The following KCNIP4 variants were observed in gnomAD, a reference collection of about 807,000 sequenced individuals.
KCNIP4 encodes the protein Kv channel-interacting protein 4.
KCNIP4 carries 12 observed loss-of-function variants against 34.0 expected under a neutral mutation model. That is an observed-to-expected ratio of 0.35 (90% CI 0.23 to 0.57). The LOEUF is 0.57. KCNIP4 is among the 20% of genes least tolerant of loss of function. The probability of loss-of-function intolerance (pLI) is 0.83; values close to 1 mark genes in which losing one functional copy is unlikely to be tolerated. For missense variants in KCNIP4, 238 were observed against 311.7 expected, an observed-to-expected ratio of 0.76 and a Z score of 1.78; for synonymous variants, 124 against 102.2, an observed-to-expected ratio of 1.21 and a Z score of -1.29.
At chr4:20,893,016 T>A (rs912909282) in intron 1 of KCNIP4, among the ~76,000 whole-genome samples, 1 of 152,184 alleles carries the variant, frequency 6.6e-6, no homozygotes, top group African/African-American at 2.4e-5. Context: ...TTGTCCAGGA[T>A]GCTGCCAGTT....
rs191839103 is a variant in KCNIP4 at position 21,677,772 on chromosome 4, T to C, written c.61+270799A>G. On this transcript the variant is annotated intron_variant, in intron 1 of 8. Transcript: ENST00000382152. ...GTTGGTATTCTTTTGTTTTTTGAGATGGAGTCTCACTCTGTCACCCAGGCT... is the reference window on the plus strand; with the variant it reads ...GTTGGTATTCTTTTGTTTTTTGAGACGGAGTCTCACTCTGTCACCCAGGCT... Among the ~76,000 whole-genome samples, 117 of 152,264 alleles carry C rather than the reference T, an allele frequency of 7.7e-4. 1 individual carries two copies. The East Asian group carries it at 0.021, about 28-fold the overall frequency.
intron 1 of KCNIP4, among the ~76,000 whole-genome samples, chr4:20,924,116 T>C (rs1411099132): frequency 2.0e-5 from 3 of 152,208 alleles, no homozygotes; most frequent in Admixed American, 6.5e-5. Context: ...TGAGTATGTG[T>C]GGCTTGAATT....
intron 1 of KCNIP4, among the ~76,000 whole-genome samples, chr4:21,199,801 T>A (rs557606938): frequency 1.3e-4 from 18 of 141,750 alleles, no homozygotes; most frequent in African/African-American, 3.9e-4. Flanking sequence ...CAAATGTCCA[T>A]CAATGATAGA....
intron 1 of KCNIP4, among the ~76,000 whole-genome samples, chr4:21,036,938 C>A (rs1416422759): frequency 6.6e-6 from 1 of 152,028 alleles, no homozygotes; most frequent in Non-Finnish European, 1.5e-5. Context: ...GGTGGAAGAT[C>A]TGATGATCTT....
At chr4:21,239,121 G>A (rs1296417375) in intron 1 of KCNIP4, among the ~76,000 whole-genome samples, 1 of 152,034 alleles carries the variant, frequency 6.6e-6, no homozygotes, top group Non-Finnish European at 1.5e-5. Context: ...ACAAGCAATG[G>A]GGAAAGGATT....
At chr4:21,737,722 T>C (rs1319105280) in intron 1 of KCNIP4, among the ~76,000 whole-genome samples, 1 of 152,182 alleles carries the variant, frequency 6.6e-6, no homozygotes, top group African/African-American at 2.4e-5. Flanking sequence ...GAAATCCTTT[T>C]TATTTAAATA....
At chr4:21,218,319 T>C (rs1379711933) in intron 1 of KCNIP4, among the ~76,000 whole-genome samples, 1 of 152,160 alleles carries the variant, frequency 6.6e-6, no homozygotes, top group African/African-American at 2.4e-5. Flanking sequence ...CCAGCCTGTA[T>C]AGTTTTATTT....
At chr4:21,884,681 C>T (rs560636891) in intron 1 of KCNIP4, among the ~76,000 whole-genome samples, 88 of 152,186 alleles carry the variant, frequency 5.8e-4, no homozygotes, top group Admixed American at 1.4e-3. Context: ...ATGATAAAGG[C>T]TTAGACAATG....
intron 1 of KCNIP4, among the ~76,000 whole-genome samples, chr4:21,017,515 A>G (rs1296379381): frequency 1.3e-5 from 2 of 152,198 alleles, no homozygotes; most frequent in Non-Finnish European, 2.9e-5. Flanking sequence ...TGCAAATAAC[A>G]TGATCTCATT....
At chr4:21,029,136 C>T (rs1385165194) in intron 1 of KCNIP4, among the ~76,000 whole-genome samples, 5 of 152,196 alleles carry the variant, frequency 3.3e-5, no homozygotes, top group Admixed American at 2.0e-4. Context: ...TGCAGCCTTT[C>T]TAAGAGAAGC....
intron 3 of KCNIP4, among the ~76,000 whole-genome samples, chr4:20,832,020 T>C (rs942792617): frequency 6.6e-6 from 1 of 152,154 alleles, no homozygotes; most frequent in African/African-American, 2.4e-5. Flanking sequence ...ACTAATCATA[T>C]CCTTTCTTGG....
At chr4:21,024,082 AAAGT>A (rs1392486899) in intron 1 of KCNIP4, among the ~76,000 whole-genome samples, 3 of 152,168 alleles carry the variant, frequency 2.0e-5, no homozygotes, top group Admixed American at 6.5e-5. Flanking sequence ...CATTATCTAG[AAAGT>A]AAGTGATTTT....
In KCNIP4 at chr4:21,106,310, C is replaced by T. The variant is rs192701296; in HGVS notation, c.62-223601G>A. ...CTATTCAGAGATTCAGCCTCTTCCT[C>T]GTTTAGTCTTGGGAGGAGGGTGTAT... On this transcript the variant is annotated intron_variant, in intron 1 of 8. Coordinates refer to ENST00000382152, the MANE Select transcript of KCNIP4 (RefSeq NM_025221.6). 2.0e-3 allele frequency among the ~76,000 whole-genome samples: 306 copies of T among 151,532 alleles called. 4 individuals carry two copies. The highest frequency in any genetic ancestry group is 3.2e-3 in the Non-Finnish European group (217 of 67,914).
At chr4:21,440,871 A>G (rs1231693475) in intron 1 of KCNIP4, among the ~76,000 whole-genome samples, 1 of 151,992 alleles carries the variant, frequency 6.6e-6, no homozygotes, top group African/African-American at 2.4e-5. Flanking sequence ...AACCAGCCTA[A>G]CTCCTAGATA....
At chr4:20,731,815 G>A (rs1748309425) in intron 8 of KCNIP4, 191 bp downstream of exon 8, 8 of 985,182 alleles carry the variant, frequency 8.1e-6, no homozygotes, top group Non-Finnish European at 9.6e-6. Flanking sequence ...CTGACTCAGT[G>A]GGCACTCTAA....
At chr4:21,530,755 T>G (rs1736608254) in intron 1 of KCNIP4, among the ~76,000 whole-genome samples, 1 of 152,122 alleles carries the variant, frequency 6.6e-6, no homozygotes, top group East Asian at 1.9e-4. Context: ...CAGTAAATAT[T>G]TATTGATAAT....
At chr4:21,013,501 C>T (rs1739245972) in intron 1 of KCNIP4, among the ~76,000 whole-genome samples, 1 of 151,998 alleles carries the variant, frequency 6.6e-6, no homozygotes, top group Admixed American at 6.6e-5. Flanking sequence ...TCCACCACTA[C>T]ATAAGAGAAG....
intron 1 of KCNIP4, among the ~76,000 whole-genome samples, chr4:21,480,036 T>C (rs1257959682): frequency 1.3e-5 from 2 of 151,386 alleles, no homozygotes; most frequent in Non-Finnish European, 3.0e-5. Flanking sequence ...TTTAACAGTT[T>C]AAATTTGAAA....
chr4:21,876,951 C>T (rs568241337), intron 1 of KCNIP4, among the ~76,000 whole-genome samples: 2 of 151,418 alleles, frequency 1.3e-5, no homozygotes, highest in South Asian at 4.2e-4. Flanking sequence ...CAATCTTAGA[C>T]AGGCACCACT....
Sources: allele counts gnomAD v4.1 joint callset (sites outside exome capture counted in the v4.1 genomes callset), GRCh38; gene constraint gnomAD v4.1.1; transcripts MANE v1.5; gene names NCBI Gene and HGNC (gene_info 2026-07-23, HGNC 2026-07-21).